The following STK3 variants were observed in gnomAD, a reference collection of about 807,000 sequenced individuals.
STK3 encodes the protein serine/threonine kinase 3.
A neutral mutation model predicts 58.0 loss-of-function variants in STK3; 41 were observed. The ratio of observed to expected loss-of-function variants is 0.71; its 90% CI spans 0.55 to 0.92. STK3 has a LOEUF of 0.92. Among genes scored for constraint, STK3 ranks in the 40% least tolerant of loss-of-function variants. The probability of loss-of-function intolerance (pLI) is 0.00; values close to 1 mark genes in which losing one functional copy is unlikely to be tolerated. For synonymous variants in STK3, 170 were observed against 191.0 expected (o/e 0.89, Z 0.91); for missense variants, 479 against 602.7 (o/e 0.79, Z 2.15).
intron 3 of STK3, among the ~76,000 whole-genome samples, chr8:98,750,505 A>T (rs1184860065): frequency 6.6e-6 from 1 of 151,826 alleles, no homozygotes; most frequent in African/African-American, 2.4e-5. Flanking sequence ...ACACGTAGAG[A>T]CTCTATCAAT....
At chr8:98,911,161 C>T (rs1397754200) in intron 1 of STK3, among the ~76,000 whole-genome samples, 3 of 152,182 alleles carry the variant, frequency 2.0e-5, no homozygotes, top group Non-Finnish European at 4.4e-5. Context: ...TAAGCAAACT[C>T]TAGTTCTTTT....
intron 1 of STK3, among the ~76,000 whole-genome samples, chr8:98,923,846 T>C (rs925843538): frequency 8.3e-6 from 1 of 120,558 alleles, no homozygotes; most frequent in African/African-American, 3.4e-5. Flanking sequence ...TGTGTGTGTG[T>C]GTGTGTGTGC....
chr8:98,711,428 G>T (rs1188249253), intron 4 of STK3, among the ~76,000 whole-genome samples: 1 of 152,064 alleles, frequency 6.6e-6, no homozygotes, highest in East Asian at 1.9e-4. Flanking sequence ...CCAATGCAGA[G>T]AAGTCCTTAA....
intron 1 of STK3, among the ~76,000 whole-genome samples, chr8:98,790,016 G>A (rs1232761059): frequency 4.1e-5 from 5 of 122,490 alleles, no homozygotes; most frequent in Non-Finnish European, 6.4e-5. Flanking sequence ...GGACAAGAAG[G>A]AGACTTCATC....
At position 98,850,457 on chromosome 8, in the gene STK3, G is replaced by A. The variant is rs117998512; in HGVS notation, c.110+33190C>T. On this transcript the variant is annotated intron_variant, in intron 3 of 12. Transcript: ENST00000523601. ...GCCAAGAAGCAGAAAATTACAATAA[G>A]ATGATATGATTAAGGTAAGCTCATG... 2.0e-5 allele frequency among the ~76,000 whole-genome samples: 3 copies of A among 152,306 alleles called. No individual in the cohort carries two copies. The East Asian group carries it at 5.8e-4, about 29-fold the overall frequency.
intron 9 of STK3, among the ~76,000 whole-genome samples, chr8:98,542,545 G>A (rs575223399): frequency 6.6e-6 from 1 of 152,270 alleles, no homozygotes; most frequent in South Asian, 2.1e-4. Flanking sequence ...GGCAGGGAAA[G>A]GTGGAGGCAA....
At chr8:98,569,631 A>G (rs2131676259) in intron 8 of STK3, among the ~76,000 whole-genome samples, 1 of 152,294 alleles carries the variant, frequency 6.6e-6, no homozygotes, top group Admixed American at 6.5e-5. Flanking sequence ...AAAAACGGAG[A>G]CAATTATTGG....
At chr8:98,728,225 G>A (rs1827924615) in intron 4 of STK3, among the ~76,000 whole-genome samples, 1 of 151,984 alleles carries the variant, frequency 6.6e-6, no homozygotes. Flanking sequence ...CCCTAAAGAA[G>A]AGACTTGAAA....
intron 6 of STK3, among the ~76,000 whole-genome samples, chr8:98,672,781 G>A (rs1822923438): frequency 6.6e-6 from 1 of 152,188 alleles, no homozygotes; most frequent in African/African-American, 2.4e-5. Flanking sequence ...TGGCTATACA[G>A]TTAATGACCA....
intron 7 of STK3, among the ~76,000 whole-genome samples, chr8:98,584,615 G>C (rs1286401296): frequency 1.3e-5 from 2 of 149,126 alleles, no homozygotes; most frequent in Non-Finnish European, 3.0e-5. Flanking sequence ...TATATACCCA[G>C]TAATGGGATG....
intron 1 of STK3, among the ~76,000 whole-genome samples, chr8:98,914,490 A>T (rs868099247): frequency 0.01 from 1,292 of 123,080 alleles, 12 homozygotes; most frequent in African/African-American, 0.031. Context: ...ACACACACAC[A>T]CACTCTCTCT....
At chr8:98,442,777 C>T (rs901146893) in intron 1 of STK3, among the ~76,000 whole-genome samples, 3 of 152,138 alleles carry the variant, frequency 2.0e-5, no homozygotes, top group African/African-American at 7.2e-5. Flanking sequence ...TATATTATTG[C>T]ATTTACTGTG....
chr8:98,858,897 T>TAAAAA (rs762055696), intron 3 of STK3, among the ~76,000 whole-genome samples: 1 of 80,520 alleles, frequency 1.2e-5, no homozygotes, highest in African/African-American at 4.8e-5. Flanking sequence ...AGACTCCATC[T>TAAAAA]AAAAAAAAAA....
intron 1 of STK3, among the ~76,000 whole-genome samples, chr8:98,797,463 A>G (rs1321836682): frequency 1.3e-5 from 2 of 152,210 alleles, no homozygotes; most frequent in Non-Finnish European, 1.5e-5. Context: ...AATAAGAATC[A>G]AAATCCCAGA....
At chr8:98,490,309 T>C (rs1217903978) in intron 10 of STK3, among the ~76,000 whole-genome samples, 1 of 152,218 alleles carries the variant, frequency 6.6e-6, no homozygotes, top group East Asian at 1.9e-4. Flanking sequence ...GGTTTTCTAG[T>C]TAGATAACTG....
chr8:98,384,295 A>T (rs1817768271), intron 1 of STK3, among the ~76,000 whole-genome samples: 1 of 152,236 alleles, frequency 6.6e-6, no homozygotes, highest in Non-Finnish European at 1.5e-5. Flanking sequence ...AGCCTAATAA[A>T]AACCCTAAAG....
At chr8:98,369,754 C>A (rs1406860709), downstream of STK3, among the ~76,000 whole-genome samples, 1 of 152,132 alleles carries the variant, frequency 6.6e-6, no homozygotes, top group Non-Finnish European at 1.5e-5. Flanking sequence ...TACCCCCACC[C>A]AAAATTTTGT....
chr8:98,388,415 T>A (rs553859126), upstream of STK3, among the ~76,000 whole-genome samples: 15 of 152,268 alleles, frequency 9.9e-5, no homozygotes, highest in South Asian at 2.1e-4. Context: ...AACCCAATGA[T>A]CAATGTTAAG....
At chr8:98,846,997 T>A (rs1215304573) in intron 3 of STK3, among the ~76,000 whole-genome samples, 2 of 152,114 alleles carry the variant, frequency 1.3e-5, no homozygotes, top group African/African-American at 4.8e-5. Flanking sequence ...ACTCATCTAG[T>A]CACCATATTG....
Sources: allele counts gnomAD v4.1 joint callset (sites outside exome capture counted in the v4.1 genomes callset), GRCh38; gene constraint gnomAD v4.1.1; transcripts MANE v1.5; gene names NCBI Gene and HGNC (gene_info 2026-07-23, HGNC 2026-07-21).